PKP4: variants seen among roughly 807,000 people sequenced by gnomAD.
The protein encoded by PKP4 is plakophilin-4.
PKP4 carries 90 observed loss-of-function variants against 145.1 expected under a neutral mutation model. The observed-to-expected ratio is 0.62, with a 90% CI of 0.52 to 0.74. The LOEUF (loss-of-function observed/expected upper bound fraction) is 0.74, where lower values mean the gene tolerates loss of function less well. PKP4 is among the 30% of genes least tolerant of loss of function. The pLI, the probability that PKP4 is intolerant of heterozygous loss-of-function variation, is 0.00. For synonymous variants in PKP4, 563 were observed against 577.2 expected, an observed-to-expected ratio of 0.98 and a Z score of 0.35; for missense variants, 1,340 against 1,482.7, an observed-to-expected ratio of 0.90 and a Z score of 1.58.
At chr2:158,592,353 T>TGGGTCAC (rs2049342786) in intron 3 of PKP4, among the ~76,000 whole-genome samples, 2 of 152,104 alleles carry the variant, frequency 1.3e-5, no homozygotes, top group Non-Finnish European at 2.9e-5. Context: ...ATTGACTGTT[T>TGGGTCAC]CCTTATGGGT....
intron 2 of PKP4, among the ~76,000 whole-genome samples, chr2:158,574,903 T>C (rs2047714991): frequency 6.6e-6 from 1 of 152,198 alleles, no homozygotes; most frequent in Admixed American, 6.5e-5. Context: ...TGTAGCTACA[T>C]CATGCATGTA....
intron 3 of PKP4, among the ~76,000 whole-genome samples, chr2:158,577,977 T>G (rs1156496958): frequency 6.6e-6 from 1 of 152,182 alleles, no homozygotes; most frequent in Non-Finnish European, 1.5e-5. Flanking sequence ...AATTACATGT[T>G]CCGAATAGTT....
intron 9 of PKP4, among the ~76,000 whole-genome samples, chr2:158,637,472 C>T (rs868652256): frequency 1.5e-4 from 23 of 152,148 alleles, no homozygotes; most frequent in Non-Finnish European, 2.8e-4. Flanking sequence ...TGCTTAGCTC[C>T]CTTGTCTCCA....
chr2:158,506,785 A>T (rs2041018766), intron 1 of PKP4, among the ~76,000 whole-genome samples: 1 of 152,210 alleles, frequency 6.6e-6, no homozygotes, highest in South Asian at 2.1e-4. Flanking sequence ...ATATGAACGG[A>T]TTGTTGGAAT....
At chr2:158,561,268 T>C (rs1249241881) in intron 2 of PKP4, among the ~76,000 whole-genome samples, 1 of 152,230 alleles carries the variant, frequency 6.6e-6, no homozygotes, top group African/African-American at 2.4e-5. Context: ...AAATATTTAC[T>C]GTGTATCTGG....
At chr2:158,547,627 G>A (rs577519562) in intron 2 of PKP4, among the ~76,000 whole-genome samples, 14 of 152,224 alleles carry the variant, frequency 9.2e-5, no homozygotes, top group Admixed American at 3.9e-4. Flanking sequence ...AACCCCTAAC[G>A]CTGTGCCTTT....
intron 15 of PKP4, among the ~76,000 whole-genome samples, chr2:158,664,049 A>G (rs896743340): frequency 6.6e-6 from 1 of 152,198 alleles, no homozygotes; most frequent in African/African-American, 2.4e-5. Flanking sequence ...CCTAACCTAC[A>G]CACAGGAGGG....
At chr2:158,591,367 A>G (rs2049263953) in intron 3 of PKP4, among the ~76,000 whole-genome samples, 1 of 152,078 alleles carries the variant, frequency 6.6e-6, no homozygotes, top group Non-Finnish European at 1.5e-5. Flanking sequence ...ATATTTAGAG[A>G]TACATTTCAA....
chr2:158,544,102 A>C (rs888788641), intron 2 of PKP4, among the ~76,000 whole-genome samples: 8 of 152,166 alleles, frequency 5.3e-5, no homozygotes, highest in Non-Finnish European at 1.2e-4. Flanking sequence ...ACCACCACTC[A>C]CAGAGCTTGT....
intron 1 of PKP4, among the ~76,000 whole-genome samples, chr2:158,485,996 AT>A (rs1195525400): frequency 3.3e-5 from 5 of 152,108 alleles, no homozygotes; most frequent in South Asian, 4.2e-4. Flanking sequence ...GCCACATTAA[AT>A]TTTTTTTATT....
Position 158,563,573 on chromosome 2 carries a change from A to G in PKP4, c.133-13698A>G, listed in dbSNP as rs559350474. 9.2e-5 allele frequency among the ~76,000 whole-genome samples: 14 copies of G among 152,258 alleles called. No homozygotes were observed. The East Asian group carries it at 1.2e-3, about 13-fold the overall frequency. On this transcript the variant is annotated intron_variant, in intron 2 of 21. Transcript: ENST00000389759. Reference sequence around the variant, plus strand: ...GGAATCCTATTATGTAGATGTATATATATATTTAGCTATTCCCATTTTGAT... The same window carrying G: ...GGAATCCTATTATGTAGATGTATATGTATATTTAGCTATTCCCATTTTGAT...
chr2:158,513,455 T>G (rs1057109301), intron 1 of PKP4, among the ~76,000 whole-genome samples: 1 of 152,192 alleles, frequency 6.6e-6, no homozygotes, highest in Non-Finnish European at 1.5e-5. Flanking sequence ...TAGGATTCGA[T>G]TTAATGATTG....
chr2:158,680,651 C>T lies in PKP4; in HGVS notation c.3553C>T (p.Pro1185Ser), dbSNP rs1419946094. ...KRPSYRAEQY[P>S]GSPDSWV ...ACCTTCTTATAGAGCAGAACAGTACCCAGGGTCCCCAGACTCATGGGTGTA... is the reference window on the plus strand; with the variant it reads ...ACCTTCTTATAGAGCAGAACAGTACTCAGGGTCCCCAGACTCATGGGTGTA... Residue 1185 changes from proline (P) to serine (S), a missense_variant, in exon 22 of 22, where the codon CCA becomes TCA. Transcript: ENST00000389759. 1.2e-6 allele frequency: 2 copies of T among 1,613,502 alleles called. No individual in the cohort carries two copies. The highest frequency in any genetic ancestry group is 2.2e-5 in the South Asian group (2 of 90,964).
At chr2:158,610,605 A>C (rs2105869301) in intron 4 of PKP4, among the ~76,000 whole-genome samples, 1 of 152,302 alleles carries the variant, frequency 6.6e-6, no homozygotes, top group Admixed American at 6.5e-5. Flanking sequence ...CTATAGGTTG[A>C]AGCCATGGAT....
At chr2:158,674,746 C>A (rs918333623) in intron 19 of PKP4, among the ~76,000 whole-genome samples, 17 of 152,188 alleles carry the variant, frequency 1.1e-4, no homozygotes, top group African/African-American at 4.1e-4. Flanking sequence ...AAATCTAATT[C>A]TTTCCAAAAT....
At chr2:158,618,820 A>G (rs1468532643) in intron 4 of PKP4, among the ~76,000 whole-genome samples, 1 of 152,060 alleles carries the variant, frequency 6.6e-6, no homozygotes, top group Non-Finnish European at 1.5e-5. Flanking sequence ...TTCCATGGTG[A>G]AAAATGTTGA....
At chr2:158,643,916 C>T (rs557270039) in intron 11 of PKP4, among the ~76,000 whole-genome samples, 2 of 152,162 alleles carry the variant, frequency 1.3e-5, no homozygotes, top group East Asian at 3.9e-4. Flanking sequence ...CACACACGCG[C>T]CACCAAACCC....
At chr2:158,670,561 G>T (rs2057467457) in intron 17 of PKP4, among the ~76,000 whole-genome samples, 1 of 152,186 alleles carries the variant, frequency 6.6e-6, no homozygotes, top group African/African-American at 2.4e-5. Context: ...ACTCCTGGAA[G>T]AATTGGAAAT....
intron 1 of PKP4, among the ~76,000 whole-genome samples, chr2:158,479,374 C>A (rs1487288958): frequency 1.3e-5 from 2 of 152,038 alleles, no homozygotes; most frequent in African/African-American, 4.8e-5. Flanking sequence ...CAGGCATATG[C>A]CACCATGCCC....
Sources: allele counts gnomAD v4.1 joint callset (sites outside exome capture counted in the v4.1 genomes callset), GRCh38; gene constraint gnomAD v4.1.1; transcripts MANE v1.5; gene names NCBI Gene and HGNC (gene_info 2026-07-23, HGNC 2026-07-21).